Variants in SLC39A10 observed in about 807,000 individuals in gnomAD.
SLC39A10 encodes zinc transporter ZIP10.
A neutral mutation model predicts 65.1 loss-of-function variants in SLC39A10; 13 were observed. The ratio of observed to expected loss-of-function variants is 0.20; its 90% CI spans 0.13 to 0.32. The LOEUF (loss-of-function observed/expected upper bound fraction) is 0.32. Ranked by LOEUF, SLC39A10 falls within the 10% of genes least tolerant of loss-of-function variation. The pLI, the probability that SLC39A10 is intolerant of heterozygous loss-of-function variation, is 1.00. For missense variants in SLC39A10, 831 were observed against 1,018.4 expected (o/e 0.82, Z 2.50); for synonymous variants, 321 against 342.2 (o/e 0.94, Z 0.68).
At chr2:195,704,533 C>G (rs1159246638) in intron 3 of SLC39A10, among the ~76,000 whole-genome samples, 1 of 152,094 alleles carries the variant, frequency 6.6e-6, no homozygotes, top group African/African-American at 2.4e-5. Context: ...GCTCTAAGAC[C>G]TCGTGTCTAA....
At chr2:195,644,890 C>CTTTTATTTA (rs371671177) in intron 2 of SLC39A10, among the ~76,000 whole-genome samples, 1 of 138,144 alleles carries the variant, frequency 7.2e-6, no homozygotes, top group East Asian at 2.8e-4. Flanking sequence ...AATCTAACTA[C>CTTTTATTTA]TTTATTTATT....
intron 9 of SLC39A10, among the ~76,000 whole-genome samples, chr2:195,730,967 ATTTTCAT>A (rs1026334569): frequency 9.2e-5 from 14 of 151,930 alleles, no homozygotes; most frequent in Middle Eastern, 3.4e-3. Flanking sequence ...TACCCTCATC[ATTTTCAT>A]CCAAGCCACC....
chr2:195,629,323 G>A (rs1054806377), intron 2 of SLC39A10, among the ~76,000 whole-genome samples: 1 of 148,494 alleles, frequency 6.7e-6, no homozygotes, highest in African/African-American at 2.5e-5. Context: ...GAACCCGAGA[G>A]GTAGAGGTTG....
At position 195,683,699 on chromosome 2, in the gene SLC39A10, T is replaced by C. The variant is rs1287546445; in HGVS notation, c.1009T>C (p.Cys337Arg). The change falls in exon 3 of 10, where the codon TGT (cysteine) becomes CGT (arginine). Residue 337 changes from cysteine (C) to arginine (R), a missense_variant and splice_region_variant. By Grantham distance (180) the Cys-to-Arg change is radical. Around this residue, in one of 4 missense-constraint regions of SLC39A10, gnomAD observed 446 missense variants for 499.2 expected, o/e 0.89. Coordinates refer to ENST00000359634, the MANE Select transcript of SLC39A10 (RefSeq NM_020342.3). The part of the protein sequence containing the change: ...DLNEDDHHHE[C>R]LNVTQLLKYY... Reference sequence around the variant, plus strand: ...ATTTGTTTTATCACTTTCCTTGCAGTGTTTGAACGTCACTCAGTTATTAAA... The same window carrying C: ...ATTTGTTTTATCACTTTCCTTGCAGCGTTTGAACGTCACTCAGTTATTAAA... 1 of 1,611,280 alleles carries C rather than the reference T, an allele frequency of 6.2e-7. No homozygotes were observed. The highest frequency in any genetic ancestry group is 8.5e-7 in the Non-Finnish European group (1 of 1,178,308).
At chr2:195,625,027 G>A (rs890594331) in intron 2 of SLC39A10, among the ~76,000 whole-genome samples, 2 of 150,070 alleles carry the variant, frequency 1.3e-5, no homozygotes, top group Non-Finnish European at 3.0e-5. Flanking sequence ...GACCAGCCTG[G>A]ACAACATGGT....
At chr2:195,734,542 T>C (rs1692526273) in intron 9 of SLC39A10, among the ~76,000 whole-genome samples, 1 of 152,230 alleles carries the variant, frequency 6.6e-6, no homozygotes, top group African/African-American at 2.4e-5. Context: ...GAGTGTCTTA[T>C]TGGTAATAAG....
intron 3 of SLC39A10, among the ~76,000 whole-genome samples, chr2:195,703,659 GA>G (rs771422110): frequency 1.3e-5 from 2 of 151,994 alleles, no homozygotes; most frequent in Non-Finnish European, 2.9e-5. Context: ...TTCCACAAAA[GA>G]ACTCTTTTTG....
chr2:195,693,386 G>A (rs916670631), intron 3 of SLC39A10, among the ~76,000 whole-genome samples: 1 of 152,134 alleles, frequency 6.6e-6, no homozygotes, highest in African/African-American at 2.4e-5. Flanking sequence ...GAGGAATAGT[G>A]TCCGTAGGAT....
At chr2:195,651,801 C>T (rs1689037229), upstream of SLC39A10, among the ~76,000 whole-genome samples, 1 of 152,132 alleles carries the variant, frequency 6.6e-6, no homozygotes, top group South Asian at 2.1e-4. Context: ...AACACCTGTT[C>T]TGGTACTTAA....
At chr2:195,695,322 T>G (rs1474601087) in intron 3 of SLC39A10, among the ~76,000 whole-genome samples, 1 of 152,182 alleles carries the variant, frequency 6.6e-6, no homozygotes, top group Non-Finnish European at 1.5e-5. Flanking sequence ...AATGGAGTTT[T>G]GTTCCCAGGG....
intron 1 of SLC39A10, among the ~76,000 whole-genome samples, chr2:195,659,177 C>T (rs559220841): frequency 2.0e-5 from 3 of 152,096 alleles, no homozygotes; most frequent in Non-Finnish European, 2.9e-5. Context: ...AAACATTCTG[C>T]GTTCCGTACA....
intron 8 of SLC39A10, among the ~76,000 whole-genome samples, chr2:195,723,692 A>G (rs967140423): frequency 1.3e-5 from 2 of 152,100 alleles, no homozygotes; most frequent in Admixed American, 6.5e-5. Context: ...TTTCCCAAAC[A>G]TTCTTCTTGA....
At chr2:195,672,863 A>C (rs1689923322) in intron 1 of SLC39A10, among the ~76,000 whole-genome samples, 1 of 152,326 alleles carries the variant, frequency 6.6e-6, no homozygotes, top group South Asian at 2.1e-4. Context: ...ACCTTTAATT[A>C]GCATCTTCTA....
intron 1 of SLC39A10, among the ~76,000 whole-genome samples, chr2:195,677,354 C>G (rs1176454625): frequency 6.6e-6 from 1 of 152,070 alleles, no homozygotes; most frequent in African/African-American, 2.4e-5. Flanking sequence ...AGTTTGAGAC[C>G]AGCCTGGACA....
chr2:195,689,271 A>G (rs927329045), intron 3 of SLC39A10, among the ~76,000 whole-genome samples: 1 of 152,054 alleles, frequency 6.6e-6, no homozygotes, highest in Non-Finnish European at 1.5e-5. Flanking sequence ...TTTTTGAAAA[A>G]ATTAGCTGGG....
At position 195,680,291 on chromosome 2, in the gene SLC39A10, G is replaced by C. The variant is rs1690250563; in HGVS notation, c.249G>C (p.Glu83Asp). 2 of 1,613,728 alleles carry C rather than the reference G, an allele frequency of 1.2e-6. No homozygotes were observed. Among genetic ancestry groups the C allele is most frequent in the South Asian group, 1.1e-5 (1 of 91,008 alleles). Residue 83 changes from glutamate (E) to aspartate (D), a missense_variant, in exon 2 of 10, where the codon GAG becomes GAC. Transcript: ENST00000359634. ...ENGRLSFFGL[E>D]KLLTNLGLGE... is the part of the protein sequence containing the mutation. ...GAAGATTATCCTTTTTTGGTTTGGA[G>C]AAACTTTTAACAAACTTGGGCCTTG...
chr2:195,642,810 T>C (rs572503634), intron 2 of SLC39A10, among the ~76,000 whole-genome samples: 13 of 151,660 alleles, frequency 8.6e-5, no homozygotes, highest in African/African-American at 3.1e-4. Flanking sequence ...CACACTAGAG[T>C]AGAATAATAT....
chr2:195,713,700 C>A, intron 6 of SLC39A10, 147 bp downstream of exon 6: 1 of 964,354 alleles, frequency 1.0e-6, no homozygotes, highest in Non-Finnish European at 1.5e-6. Context: ...AAGGTGTTAC[C>A]CTCATAGCAC....
At chr2:195,731,287 A>T (rs970770858) in intron 9 of SLC39A10, among the ~76,000 whole-genome samples, 4 of 152,024 alleles carry the variant, frequency 2.6e-5, no homozygotes, top group African/African-American at 9.7e-5. Flanking sequence ...GCACTTGCTG[A>T]TCACCCCTCC....
Sources: gnomAD v4.1 joint callset for allele counts (sites outside exome capture counted in the v4.1 genomes callset) on GRCh38, gnomAD v4.1.1 for gene constraint, gnomAD v4.1.1 regional missense constraint, MANE v1.5 for transcripts, NCBI Gene and HGNC (gene_info 2026-07-23, HGNC 2026-07-21) for gene names.